The following APOB variants were observed in gnomAD, a reference collection of about 807,000 sequenced individuals.
The protein encoded by APOB is apolipoprotein B-100.
In APOB, 153 loss-of-function variants were observed where a neutral mutation model predicts 314.1. The observed-to-expected ratio is 0.49, with a 90% CI of 0.43 to 0.56. The LOEUF (loss-of-function observed/expected upper bound fraction) is 0.56. Ranked by LOEUF, APOB falls within the 20% of genes least tolerant of loss-of-function variation. The pLI, the probability that APOB is intolerant of heterozygous loss-of-function variation, is 0.00. For missense variants in APOB, 5,430 were observed against 5,350.7 expected (o/e 1.01, Z -0.46); for synonymous variants, 2,087 against 2,036.4 (o/e 1.02, Z -0.67).
chr2:21,028,125 C>T (rs977780413), intron 13 of APOB, 60 bp from the exon 14 acceptor site: 113 of 1,293,536 alleles, frequency 8.7e-5, no homozygotes, highest in Non-Finnish European at 1.2e-4. Flanking sequence ...TTGACTCTTG[C>T]ACCCCAAGTA....
At chr2:21,016,958 T>C (rs1388296845) in intron 20 of APOB, among the ~76,000 whole-genome samples, 1 of 148,456 alleles carries the variant, frequency 6.7e-6, no homozygotes, top group Admixed American at 6.9e-5. Flanking sequence ...CACTGCAGCC[T>C]GGGCAAAAGA....
At chr2:21,036,964 G>A in intron 6 of APOB, 136 bp downstream of exon 6, 1 of 1,112,644 alleles carries the variant, frequency 9.0e-7, no homozygotes, top group Non-Finnish European at 1.3e-6. Context: ...GCCTGCTCAG[G>A]GTCCTATCTC....
chr2:21,041,408 G>A (rs550770558), intron 3 of APOB, among the ~76,000 whole-genome samples: 6 of 152,308 alleles, frequency 3.9e-5, no homozygotes, highest in Non-Finnish European at 5.9e-5. Flanking sequence ...AAATAGAAGC[G>A]CTGCAGACTA....
chr2:21,013,342 A>T lies in APOB; in HGVS notation c.4034T>A (p.Leu1345Ter), dbSNP rs200775684. The change falls in exon 25 of 29, where the codon TTG (leucine) becomes TAG (stop). Residue 1345 changes from leucine to a stop codon, truncating the protein, a stop_gained. Transcript: ENST00000233242. LOFTEE classifies it high-confidence loss of function. Reference protein sequence around the residue: ...FQVPTFTIPKLYQLQVPLLGV... With the variant: ...FQVPTFTIPK ...CAGGAGAGGCACTTGCAGTTGATAC[A>T]ACTTGGGAATGGTAAAAGTAGGGAC... 6.2e-7 allele frequency: 1 copy of T among 1,614,200 alleles called. No homozygotes were observed.
rs1354518734 is a variant in APOB at position 21,038,098 on chromosome 2, G to A, written c.397C>T (p.Leu133=). Residue 133 remains leucine, a synonymous_variant, in exon 5 of 29, where the codon CTG becomes TTG. Coordinates refer to ENST00000233242, the MANE Select transcript of APOB (RefSeq NM_000384.3). ...AAAMSRYELK[L]AIPEGKQVFL... is the part of the protein sequence containing the mutation. ...ACCTGCTTCCCTTCTGGAATGGCCA[G>A]CTTGAGCTCATACCTGTCCCAGAGA... 2 of 1,614,036 alleles carry A rather than the reference G, an allele frequency of 1.2e-6. No homozygotes were observed. The highest frequency in any genetic ancestry group is 8.5e-7 in the Non-Finnish European group (1 of 1,180,038).
Position 21,006,297 on chromosome 2 carries a change from T to C in APOB, c.10571A>G (p.Lys3524Arg). The change falls in exon 26 of 29, where the codon AAG (lysine) becomes AGG (arginine). Residue 3524 changes from lysine (K) to arginine (R), a missense_variant. Lys to Arg is a conservative substitution (Grantham distance 26, BLOSUM62 2). Around this residue, in one of 3 missense-constraint regions of APOB, gnomAD observed 3,281 missense variants for 3,171.0 expected, o/e 1.03. Transcript: ENST00000233242. Reference protein sequence around the residue: ...ASEANTYLNSKSTRSSVKLQG... With the variant: ...ASEANTYLNSRSTRSSVKLQG... ...CAGCTTCACTGAAGACCGTGTGCTC[T>C]TGGAATTCAAGTAAGTGTTGGCCTC... 1 of 1,614,096 alleles carries C rather than the reference T, an allele frequency of 6.2e-7. No individual in the cohort carries two copies. The highest frequency in any genetic ancestry group is 8.5e-7 in the Non-Finnish European group (1 of 1,179,978).
At chr2:21,043,039 G>A (rs538731963) in intron 2 of APOB, among the ~76,000 whole-genome samples, 1 of 147,580 alleles carries the variant, frequency 6.8e-6, no homozygotes, top group Admixed American at 6.9e-5. Flanking sequence ...CCACTAGATG[G>A]CGGTGCTGCC....
rs907454826 is a variant in APOB at position 21,011,978 on chromosome 2, G to A, written c.4890C>T (p.Ile1630=). Residue 1630 remains isoleucine, a synonymous_variant, in exon 26 of 29, where the codon ATC becomes ATT. Coordinates refer to ENST00000233242, the MANE Select transcript of APOB (RefSeq NM_000384.3). The part of the protein sequence containing the change: ...NSHGLELNAD[I]LGTDKINSGA... ...CACTATTAATTTTGTCAGTGCCTAA[G>A]ATGTCAGCATTTAACTCAAGACCAT... 6.2e-7 allele frequency: 1 copy of A among 1,614,040 alleles called. No individual in the cohort carries two copies. The highest frequency in any genetic ancestry group is 8.5e-7 in the Non-Finnish European group (1 of 1,180,044).
chr2:21,039,278 A>G (rs1263434961), intron 4 of APOB, among the ~76,000 whole-genome samples: 2 of 152,262 alleles, frequency 1.3e-5, no homozygotes, highest in Non-Finnish European at 1.5e-5. Context: ...TTGCAGTATG[A>G]TGGGTAAAAG....
At chr2:21,021,937 T>C (rs1426915498) in intron 18 of APOB, among the ~76,000 whole-genome samples, 5 of 152,198 alleles carry the variant, frequency 3.3e-5, no homozygotes, top group Admixed American at 2.0e-4. Flanking sequence ...ACGTGGTATA[T>C]ATTAGGCAAT....
intron 18 of APOB, among the ~76,000 whole-genome samples, chr2:21,022,518 A>G (rs905414598): frequency 2.6e-5 from 4 of 152,186 alleles, no homozygotes; most frequent in African/African-American, 9.6e-5. Flanking sequence ...CTTCATTCTC[A>G]AAACAAATAG....
chr2:21,034,331 G>A (rs894557371), intron 8 of APOB, among the ~76,000 whole-genome samples: 1 of 152,276 alleles, frequency 6.6e-6, no homozygotes, highest in Non-Finnish European at 1.5e-5. Flanking sequence ...AGGTTGCTAT[G>A]AGCAAAAAGG....
At chr2:21,021,024 CTAA>C (rs1663593466) in intron 18 of APOB, among the ~76,000 whole-genome samples, 1 of 152,216 alleles carries the variant, frequency 6.6e-6, no homozygotes, top group South Asian at 2.1e-4. Context: ...CCTCTGTATA[CTAA>C]TGATTCCCAA....
chr2:21,034,176 AG>A (rs1251201521), intron 8 of APOB, among the ~76,000 whole-genome samples: 1 of 152,228 alleles, frequency 6.6e-6, no homozygotes, highest in African/African-American at 2.4e-5. Context: ...TAATGAGAAT[AG>A]TCCTGGCTTA....
intron 14 of APOB, among the ~76,000 whole-genome samples, chr2:21,027,514 C>T (rs903682842): frequency 6.6e-6 from 1 of 151,996 alleles, no homozygotes; most frequent in Non-Finnish European, 1.5e-5. Flanking sequence ...GGGCTTTCAC[C>T]GTGTTAGCCA....
At chr2:21,034,569 T>G (rs556282631) in intron 8 of APOB, among the ~76,000 whole-genome samples, 1 of 152,212 alleles carries the variant, frequency 6.6e-6, no homozygotes, top group Non-Finnish European at 1.5e-5. Flanking sequence ...AAATATGTCA[T>G]GTTAAACTTA....
chr2:21,030,629 T>C (rs908753739), intron 10 of APOB, among the ~76,000 whole-genome samples: 1 of 152,172 alleles, frequency 6.6e-6, no homozygotes, highest in African/African-American at 2.4e-5. Flanking sequence ...AAAAAGTTTC[T>C]GCACAGTAAA....
chr2:21,029,790 A>G lies in APOB; in HGVS notation c.1471-5T>C. On this transcript the variant is annotated splice_polypyrimidine_tract_variant and splice_region_variant and intron_variant, in intron 11 of 28. Transcript: ENST00000233242. ...TTGGCCCATATTTCCAATGACCTGC[A>G]TTGAAGAAAAGAAACAAGAACCCAT... 6.2e-7 allele frequency: 1 copy of G among 1,614,088 alleles called. No individual in the cohort carries two copies. Among genetic ancestry groups the G allele is most frequent in the Non-Finnish European group, 8.5e-7 (1 of 1,180,032 alleles).
In APOB at chr2:21,007,033, T is replaced by C. The variant is rs12720854; in HGVS notation, c.9835A>G (p.Ser3279Gly). 3.7e-3 allele frequency: 5,922 copies of C among 1,614,042 alleles called. 50 individuals are homozygous for C. The Middle Eastern group carries it at 0.057, about 16-fold the overall frequency. Residue 3279 changes from serine to glycine, a missense_variant, in exon 26 of 29, where the codon AGC becomes GGC. Ser to Gly is a moderately conservative substitution (Grantham distance 56). Coordinates refer to ENST00000233242, the MANE Select transcript of APOB (RefSeq NM_000384.3). ...CCTAGGATGGAGAAACTAGGCATGC[T>C]GACTGCTTTTGGGAACACATAGCCG... ...AFGYVFPKAV[S>G]MPSFSILGSD...
Sources: allele counts gnomAD v4.1 joint callset (sites outside exome capture counted in the v4.1 genomes callset), GRCh38; gene constraint gnomAD v4.1.1; regional missense constraint gnomAD v4.1.1; transcripts MANE v1.5; gene names NCBI Gene and HGNC (gene_info 2026-07-23, HGNC 2026-07-21).